The following PPP1R1C variants were observed in gnomAD, a reference collection of about 807,000 sequenced individuals.
PPP1R1C encodes protein phosphatase 1 regulatory subunit 1C.
A neutral mutation model predicts 17.4 loss-of-function variants in PPP1R1C; 15 were observed. The observed-to-expected ratio is 0.86, with a 90% confidence interval of 0.58 to 1.33. PPP1R1C has a LOEUF of 1.33. PPP1R1C is among the 40% of genes most tolerant of loss of function. PPP1R1C has a pLI of 0.00. For synonymous variants in PPP1R1C, 35 were observed against 43.1 expected (o/e 0.81, Z 0.73); for missense variants, 143 against 130.0 (o/e 1.10, Z -0.48).
At chr2:181,979,599 C>A (rs1685157921) in intron 2 of PPP1R1C, among the ~76,000 whole-genome samples, 1 of 152,172 alleles carries the variant, frequency 6.6e-6, no homozygotes, top group African/African-American at 2.4e-5. Flanking sequence ...GCAAGAATGA[C>A]TCAAAAGCTA....
intron 2 of PPP1R1C, among the ~76,000 whole-genome samples, chr2:182,052,322 A>T (rs150470384): frequency 8.1e-4 from 123 of 152,376 alleles, no homozygotes; most frequent in African/African-American, 2.9e-3. Flanking sequence ...CATTGAACAC[A>T]AATCTAGTCT....
chr2:181,969,946 G>C (rs1383606023), intron 1 of PPP1R1C, among the ~76,000 whole-genome samples: 1 of 152,102 alleles, frequency 6.6e-6, no homozygotes, highest in Non-Finnish European at 1.5e-5. Flanking sequence ...ATTTCTGTTT[G>C]ATTCTGTTTA....
At chr2:182,102,635 T>C (rs1039020228) in intron 4 of PPP1R1C, among the ~76,000 whole-genome samples, 4 of 152,164 alleles carry the variant, frequency 2.6e-5, no homozygotes, top group African/African-American at 4.8e-5. Context: ...TCCTCTCAAA[T>C]TGTGGATTCA....
At chr2:182,032,452 T>C (rs1686873944) in intron 2 of PPP1R1C, among the ~76,000 whole-genome samples, 1 of 152,216 alleles carries the variant, frequency 6.6e-6, no homozygotes, top group South Asian at 2.1e-4. Flanking sequence ...GTGTTTATTG[T>C]TTATGTCTCC....
intron 2 of PPP1R1C, among the ~76,000 whole-genome samples, chr2:181,993,119 GGACTAA>G (rs1353608646): frequency 6.6e-6 from 1 of 152,110 alleles, no homozygotes; most frequent in East Asian, 1.9e-4. Flanking sequence ...AAATAATGCT[GGACTAA>G]GATTGAATTG....
chr2:182,077,026 T>A (rs1688333707), intron 4 of PPP1R1C, among the ~76,000 whole-genome samples: 1 of 152,218 alleles, frequency 6.6e-6, no homozygotes, highest in South Asian at 2.1e-4. Context: ...ATTAATTTTT[T>A]ACAGTTACTT....
chr2:181,969,781 G>GC (rs1424552521), intron 1 of PPP1R1C, among the ~76,000 whole-genome samples: 2 of 152,064 alleles, frequency 1.3e-5, no homozygotes, highest in Non-Finnish European at 2.9e-5. Context: ...TTGTAGGCAT[G>GC]CTTGTTTTTT....
At chr2:181,964,083 A>G (rs1684861128) in intron 1 of PPP1R1C, among the ~76,000 whole-genome samples, 1 of 152,188 alleles carries the variant, frequency 6.6e-6, no homozygotes, top group South Asian at 2.1e-4. Context: ...TTTTGTACGC[A>G]TTAACCAGCC....
chr2:182,041,334 C>A (rs554427573), intron 2 of PPP1R1C, among the ~76,000 whole-genome samples: 1 of 152,082 alleles, frequency 6.6e-6, no homozygotes, highest in African/African-American at 2.4e-5. Flanking sequence ...CCAGGCCTGG[C>A]GTGGTAGCTC....
Position 181,963,792 on chromosome 2 carries a change from GT to G in PPP1R1C, n.111+9168del, listed in dbSNP as rs11412098. Among the ~76,000 whole-genome samples the G allele has an allele frequency of 4.5e-3, 672 of 147,710 alleles. 3 individuals carry two copies. The highest frequency in any genetic ancestry group is 6.3e-3 in the African/African-American group (253 of 40,242). ...ATTAACCTAGAGTTCTTTTTTGCTT[GT>G]TTTTTTTTTAATTTTAATTTTAAAA... On this transcript the variant is annotated intron_variant and non_coding_transcript_variant, in intron 1 of 5. Transcript: ENST00000464264.
intron 1 of PPP1R1C, among the ~76,000 whole-genome samples, chr2:181,955,478 A>G (rs1684655094): frequency 6.6e-6 from 1 of 152,210 alleles, no homozygotes; most frequent in Non-Finnish European, 1.5e-5. Context: ...AAATAGTGTT[A>G]CTAAAATGTC....
At chr2:182,008,743 G>T (rs1232998383) in intron 2 of PPP1R1C, among the ~76,000 whole-genome samples, 1 of 152,138 alleles carries the variant, frequency 6.6e-6, no homozygotes, top group Non-Finnish European at 1.5e-5. Flanking sequence ...TTATCACCCT[G>T]TTGTGCTATC....
In PPP1R1C at chr2:181,957,863, G is replaced by A. The variant is rs557698271; in HGVS notation, n.111+3229G>A. Among the ~76,000 whole-genome samples the A allele has an allele frequency of 6.6e-5, 10 of 152,270 alleles. No homozygotes were observed. Among genetic ancestry groups the A allele is most frequent in the African/African-American group, 1.7e-4 (7 of 41,548 alleles). On this transcript the variant is annotated intron_variant and non_coding_transcript_variant, in intron 1 of 5. Coordinates refer to the PPP1R1C transcript ENST00000464264. The surrounding 1 kb of genome is among the most constrained non-coding windows in gnomAD (Gnocchi z 4.2). The stretch of plus-strand genomic sequence containing the variant: ...ATTGCTAATCTTGCCATTGCATTTC[G>A]CTAAAGTGCAAATAATTGATAAATG...
chr2:182,090,751 A>C (rs1414574544), intron 4 of PPP1R1C, among the ~76,000 whole-genome samples: 1 of 152,224 alleles, frequency 6.6e-6, no homozygotes, highest in East Asian at 1.9e-4. Flanking sequence ...ATAACTAGTA[A>C]GTTTTCCAAA....
In PPP1R1C at chr2:181,967,317, GT is replaced by G. The variant is rs967845938; in HGVS notation, n.112-7894del. On this transcript the variant is annotated intron_variant and non_coding_transcript_variant, in intron 1 of 5. Coordinates refer to the PPP1R1C transcript ENST00000464264. The surrounding 1 kb of genome is among the most constrained non-coding windows in gnomAD (Gnocchi z 5.5). Reference sequence around the variant, plus strand: ...TTATTTCTGCTCTGATACCTGTGGGGTTTTTTTTCTTGTACTAATTTTGGGT... The same window carrying G: ...TTATTTCTGCTCTGATACCTGTGGGGTTTTTTTCTTGTACTAATTTTGGGT... 6.6e-6 allele frequency among the ~76,000 whole-genome samples: 1 copy of G among 151,400 alleles called. No homozygotes were observed. The highest frequency in any genetic ancestry group is 2.1e-4 in the South Asian group (1 of 4,804).
At chr2:181,992,189 T>TAAATATAATAC (rs1215051232) in intron 2 of PPP1R1C, among the ~76,000 whole-genome samples, 1 of 137,498 alleles carries the variant, frequency 7.3e-6, no homozygotes. Flanking sequence ...TTAACCGGGC[T>TAAATATAATAC]TTTCAACTCC....
intron 4 of PPP1R1C, among the ~76,000 whole-genome samples, chr2:182,081,505 G>A (rs1449618399): frequency 1.3e-5 from 2 of 152,096 alleles, no homozygotes; most frequent in African/African-American, 4.8e-5. Context: ...TCTTTTGCTA[G>A]ATTAATCAAC....
intron 4 of PPP1R1C, among the ~76,000 whole-genome samples, chr2:182,090,671 A>C (rs1205481453): frequency 4.6e-5 from 7 of 152,218 alleles, no homozygotes; most frequent in Non-Finnish European, 8.8e-5. Flanking sequence ...CAGCAACGAC[A>C]TTCCAGCAAT....
intron 2 of PPP1R1C, among the ~76,000 whole-genome samples, chr2:182,009,533 T>A (rs573024929): frequency 5.9e-5 from 9 of 152,252 alleles, no homozygotes; most frequent in Admixed American, 2.6e-4. Context: ...ATTATCCCTT[T>A]GTCATATGAG....
Sources: gnomAD v4.1 joint callset for allele counts (sites outside exome capture counted in the v4.1 genomes callset) on GRCh38, gnomAD v4.1.1 for gene constraint, Gnocchi (gnomAD v3.1) non-coding constraint, MANE v1.5 for transcripts, NCBI Gene and HGNC (gene_info 2026-07-23, HGNC 2026-07-21) for gene names.